The following C4orf50 variants were observed in gnomAD, a reference collection of about 807,000 sequenced individuals.
C4orf50 encodes uncharacterized protein C4orf50.
In C4orf50, 80 loss-of-function variants were observed where a neutral mutation model predicts 77.2. That is an observed-to-expected ratio of 1.04 (90% CI 0.87 to 1.25). The LOEUF is 1.25. C4orf50 is among the 50% of genes most tolerant of loss of function. The probability of loss-of-function intolerance (pLI) is 0.00; values close to 1 mark genes in which losing one functional copy is unlikely to be tolerated. For missense variants in C4orf50, 1,257 were observed against 1,152.9 expected, an observed-to-expected ratio of 1.09 and a Z score of -1.31; for synonymous variants, 532 against 465.3, an observed-to-expected ratio of 1.14 and a Z score of -1.84.
At chr4:5,926,925 G>A (rs569391275) in intron 7 of C4orf50, among the ~76,000 whole-genome samples, 3 of 152,130 alleles carry the variant, frequency 2.0e-5, no homozygotes, top group Admixed American at 6.5e-5. Flanking sequence ...ACTGCTTTCC[G>A]TGTGCCCATG....
At chr4:5,955,301 C>G (rs560353037), downstream of C4orf50, among the ~76,000 whole-genome samples, 2 of 152,008 alleles carry the variant, frequency 1.3e-5, no homozygotes, top group African/African-American at 4.8e-5. The surrounding 1 kb of genome is among the most constrained non-coding windows in gnomAD (Gnocchi z 5.1). Context: ...ATCACCGAGG[C>G]GGGGAGAGGT....
At chr4:5,939,603 T>A (rs1314986868) in intron 7 of C4orf50, among the ~76,000 whole-genome samples, 1 of 152,196 alleles carries the variant, frequency 6.6e-6, no homozygotes, top group Non-Finnish European at 1.5e-5. Flanking sequence ...GCTTTCTCAT[T>A]CCATTTCCTA....
chr4:5,928,463 T>C (rs973505527), intron 7 of C4orf50, among the ~76,000 whole-genome samples: 2 of 151,930 alleles, frequency 1.3e-5, no homozygotes, highest in African/African-American at 4.8e-5. Context: ...GTGGAGCAGA[T>C]GATGAAAGAC....
exon 34 of C4orf50, chr4:5,957,451 CCAGT>C (rs1719033383): frequency 6.6e-6 from 1 of 152,212 alleles, no homozygotes; most frequent in Non-Finnish European, 1.5e-5. Context: ...GATCACCAAA[CCAGT>C]GCTGCAGGTC....
At chr4:5,951,801 T>G (rs913417255) in intron 7 of C4orf50, among the ~76,000 whole-genome samples, 4 of 152,158 alleles carry the variant, frequency 2.6e-5, no homozygotes, top group African/African-American at 9.7e-5. Flanking sequence ...ACCTTCTTGC[T>G]AATCCAGACC....
In C4orf50 at chr4:5,950,341, A is replaced by G. The variant is rs1343883682; in HGVS notation, c.*2474+6560T>C. 3.3e-5 allele frequency among the ~76,000 whole-genome samples: 5 copies of G among 152,214 alleles called. No individual in the cohort carries two copies. The East Asian group carries it at 9.6e-4, about 29-fold the overall frequency. On this transcript the variant is annotated intron_variant, in intron 7 of 7. Transcript: ENST00000324058. Reference sequence around the variant, plus strand: ...TCGTGACTGTTTAAAAGATGAATTAAATGATATGATATCTAGCTTTACTCT... The same window carrying G: ...TCGTGACTGTTTAAAAGATGAATTAGATGATATGATATCTAGCTTTACTCT...
At chr4:5,999,476 TGGG>T (rs893174886) in intron 25 of C4orf50, among the ~76,000 whole-genome samples, 1 of 152,218 alleles carries the variant, frequency 6.6e-6, no homozygotes, top group Non-Finnish European at 1.5e-5. Context: ...TACACATCTC[TGGG>T]ACTAGACCCT....
rs1475345006 is a variant in C4orf50 at position 5,971,322 on chromosome 4, C to T, written c.4104+2337G>A. 5.9e-5 allele frequency among the ~76,000 whole-genome samples: 9 copies of T among 152,188 alleles called. No individual in the cohort carries two copies. The East Asian group carries it at 1.4e-3, about 23-fold the overall frequency. On this transcript the variant is annotated intron_variant, in intron 31 of 33. Coordinates refer to ENST00000531445, the Ensembl canonical transcript of C4orf50. ...GGCTACCAGTAGGAGGAGTGGCCAG[C>T]GCCACGCCCACCCTGCTGTCCACTA...
chr4:6,005,750 G>C (rs1354949528), intron 25 of C4orf50, among the ~76,000 whole-genome samples: 3 of 152,152 alleles, frequency 2.0e-5, no homozygotes, highest in Non-Finnish European at 4.4e-5. Flanking sequence ...TAAATACATA[G>C]GTACTCGTGC....
intron 28 of C4orf50, among the ~76,000 whole-genome samples, chr4:5,987,651 C>T (rs1720950812): frequency 6.6e-6 from 1 of 151,088 alleles, no homozygotes. Context: ...GAGAAGGAGA[C>T]ACAGAGACAG....
chr4:5,990,614 G>C, exon 28 of C4orf50: 1 of 399,126 alleles, frequency 2.5e-6, no homozygotes, highest in Non-Finnish European at 4.4e-6. Flanking sequence ...AGCAGTGGTC[G>C]CCAAGAAGCG....
exon 28 of C4orf50, chr4:5,990,044 G>C: frequency 7.4e-7 from 1 of 1,349,518 alleles, no homozygotes; most frequent in Non-Finnish European, 9.5e-7. Flanking sequence ...GTGGCTGGGG[G>C]TGCCACTTCC....
intron 7 of C4orf50, chr4:5,902,890 G>A (rs1036952920): frequency 2.6e-5 from 4 of 152,168 alleles, no homozygotes; most frequent in Non-Finnish European, 4.4e-5. Flanking sequence ...CAAGCAGGTA[G>A]CAGAGCTGGA....
intron 7 of C4orf50, among the ~76,000 whole-genome samples, chr4:5,944,888 G>A (rs1718416596): frequency 6.6e-6 from 1 of 152,176 alleles, no homozygotes. Context: ...AAGCAGCAAA[G>A]ATGGATGAGC....
intron 25 of C4orf50, among the ~76,000 whole-genome samples, chr4:6,004,036 A>C (rs1345130327): frequency 6.1e-5 from 3 of 48,860 alleles, no homozygotes; most frequent in Admixed American, 2.0e-4. Flanking sequence ...TGTGATAGTG[A>C]TGATGGTGAT....
At chr4:5,989,742 C>G in exon 28 of C4orf50, 2 of 1,534,984 alleles carry the variant, frequency 1.3e-6, no homozygotes, top group Non-Finnish European at 1.7e-6. Context: ...GAAACAGTGG[C>G]AAACCTGTCT....
At chr4:5,953,174 G>C (rs1278920169), downstream of C4orf50, among the ~76,000 whole-genome samples, 1 of 152,146 alleles carries the variant, frequency 6.6e-6, no homozygotes, top group Non-Finnish European at 1.5e-5. Flanking sequence ...CTGTGGCATG[G>C]AGCGGGCCTG....
chr4:5,912,149 A>C lies in C4orf50; in HGVS notation c.*2475-13961T>G, dbSNP rs114270562. 9.3e-3 allele frequency among the ~76,000 whole-genome samples: 1,416 copies of C among 152,108 alleles called. 26 individuals carry two copies. The highest frequency in any genetic ancestry group is 0.032 in the African/African-American group (1,313 of 41,486). ...ATTTTTTAATTTCCGTGGTGTAAACACTCCTACTATGGCTGATTTTAAGCT... is the reference window on the plus strand; with the variant it reads ...ATTTTTTAATTTCCGTGGTGTAAACCCTCCTACTATGGCTGATTTTAAGCT... On this transcript the variant is annotated intron_variant, in intron 7 of 7. Transcript: ENST00000324058.
At chr4:5,915,317 GAC>G (rs1020022077) in intron 7 of C4orf50, among the ~76,000 whole-genome samples, 9 of 152,188 alleles carry the variant, frequency 5.9e-5, no homozygotes, top group African/African-American at 2.2e-4. Context: ...GCCATTCTCA[GAC>G]ACAGTTTGTT....
Sources: allele counts gnomAD v4.1 joint callset (sites outside exome capture counted in the v4.1 genomes callset), GRCh38; gene constraint gnomAD v4.1.1; non-coding constraint Gnocchi (gnomAD v3.1); transcripts MANE v1.5; gene names NCBI Gene and HGNC (gene_info 2026-07-23, HGNC 2026-07-21).